TRPC7: variants seen among roughly 807,000 people sequenced by gnomAD.
TRPC7 encodes transient receptor potential cation channel subfamily C member 7, also known as short transient receptor potential channel 7.
Under a neutral mutation model 90.1 loss-of-function variants are expected in TRPC7, and 42 were observed. The ratio of observed to expected loss-of-function variants is 0.47; its 90% CI spans 0.36 to 0.60. TRPC7 has a LOEUF of 0.60. Ranked by LOEUF, TRPC7 falls within the 20% of genes least tolerant of loss-of-function variation. The probability of loss-of-function intolerance (pLI) is 0.00; values close to 1 mark genes in which losing one functional copy is unlikely to be tolerated. For missense variants in TRPC7, 955 were observed against 1,112.3 expected, an observed-to-expected ratio of 0.86 and a Z score of 2.01; for synonymous variants, 451 against 436.3, an observed-to-expected ratio of 1.03 and a Z score of -0.42.
At chr5:136,239,557 G>T (rs552669075) in intron 7 of TRPC7, among the ~76,000 whole-genome samples, 1 of 152,168 alleles carries the variant, frequency 6.6e-6, no homozygotes, top group Non-Finnish European at 1.5e-5. Flanking sequence ...CCTCTCCCTC[G>T]GTTTCTCTCA....
intron 2 of TRPC7, among the ~76,000 whole-genome samples, chr5:136,325,800 A>G (rs1173030014): frequency 6.6e-6 from 1 of 152,198 alleles, no homozygotes; most frequent in Non-Finnish European, 1.5e-5. Context: ...AAGCTGGATC[A>G]AAAGGAAAAC....
chr5:136,318,099 C>T (rs1056253958), intron 2 of TRPC7, among the ~76,000 whole-genome samples: 14 of 152,084 alleles, frequency 9.2e-5, no homozygotes, highest in Admixed American at 2.6e-4. Flanking sequence ...CCCAGGCCTG[C>T]GAGGAAGAAG....
intron 3 of TRPC7, among the ~76,000 whole-genome samples, chr5:136,279,870 G>T (rs1350982564): frequency 2.0e-5 from 3 of 152,104 alleles, no homozygotes; most frequent in Non-Finnish European, 4.4e-5. Flanking sequence ...CTCTTCTCTG[G>T]TTTAACACCT....
chr5:136,354,825 C>T (rs1760310502), intron 2 of TRPC7, among the ~76,000 whole-genome samples: 1 of 152,208 alleles, frequency 6.6e-6, no homozygotes, highest in East Asian at 1.9e-4. Flanking sequence ...AACTACTCAT[C>T]CTCCCTGCTC....
chr5:136,254,390 T>C (rs1225106019), intron 5 of TRPC7, among the ~76,000 whole-genome samples: 1 of 152,162 alleles, frequency 6.6e-6, no homozygotes, highest in African/African-American at 2.4e-5. Context: ...CTGGTGACTT[T>C]AAGTTGAAGC....
intron 4 of TRPC7, among the ~76,000 whole-genome samples, chr5:136,268,836 C>T (rs371365884): frequency 5.3e-5 from 8 of 152,190 alleles, no homozygotes; most frequent in African/African-American, 1.9e-4. Flanking sequence ...TCCTATACTT[C>T]TGGGTTTGAA....
intron 3 of TRPC7, among the ~76,000 whole-genome samples, chr5:136,301,988 G>A (rs13156906): frequency 0.12 from 18,412 of 152,128 alleles, 1,164 homozygotes; most frequent in African/African-American, 0.14. Context: ...TCCAGTAAGC[G>A]GCCTCTTTTT....
At chr5:136,271,739 T>C (rs1757218524) in intron 4 of TRPC7, among the ~76,000 whole-genome samples, 1 of 152,186 alleles carries the variant, frequency 6.6e-6, no homozygotes, top group Non-Finnish European at 1.5e-5. Flanking sequence ...TGTCCCATGC[T>C]CCAGGCCTGC....
At chr5:136,259,275 C>A (rs189960567) in intron 5 of TRPC7, among the ~76,000 whole-genome samples, 2 of 152,290 alleles carry the variant, frequency 1.3e-5, no homozygotes, top group Admixed American at 1.3e-4. Flanking sequence ...AGCCCAGGAG[C>A]CTTGTTGTCC....
chr5:136,302,823 A>G (rs987686777), intron 3 of TRPC7, among the ~76,000 whole-genome samples: 1 of 152,122 alleles, frequency 6.6e-6, no homozygotes, highest in Non-Finnish European at 1.5e-5. Flanking sequence ...TCTTTTACAC[A>G]TCAGTCCCTT....
At chr5:136,300,683 G>A (rs1758348025) in intron 3 of TRPC7, among the ~76,000 whole-genome samples, 1 of 152,212 alleles carries the variant, frequency 6.6e-6, no homozygotes, top group Admixed American at 6.5e-5. Context: ...AGCAATGAAG[G>A]ACATGGAGAT....
At chr5:136,316,827 A>G (rs1759040216) in intron 2 of TRPC7, among the ~76,000 whole-genome samples, 1 of 152,216 alleles carries the variant, frequency 6.6e-6, no homozygotes, top group Non-Finnish European at 1.5e-5. Flanking sequence ...CAAGAGCCAA[A>G]TGTCACTTTC....
In TRPC7 at chr5:136,251,662, T is replaced by C. The variant is rs768000554; in HGVS notation, c.1566A>G (p.Ala522=). 11 of 1,607,356 alleles carry C rather than the reference T, an allele frequency of 6.8e-6. No homozygotes were observed. Among genetic ancestry groups the C allele is most frequent in the East Asian group, 6.7e-5 (3 of 44,592 alleles). ...TCTCCGACTCACCGTAGGTGAAGTA[T>C]GCCACTTCCGGCGGAAGCGAGACAT... is the stretch of plus-strand genomic sequence containing the variant. ...LHNVSLPPEV[A]YFTYARDKWW... Residue 522 remains alanine, a synonymous_variant, in exon 6 of 12, where the codon GCA becomes GCG. Coordinates refer to ENST00000513104, the MANE Select transcript of TRPC7 (RefSeq NM_020389.3).
At chr5:136,311,984 T>C (rs1758846951) in intron 3 of TRPC7, among the ~76,000 whole-genome samples, 1 of 152,236 alleles carries the variant, frequency 6.6e-6, no homozygotes, top group Non-Finnish European at 1.5e-5. Context: ...ATTTTCATTA[T>C]AACCTATGAC....
intron 2 of TRPC7, among the ~76,000 whole-genome samples, chr5:136,326,876 A>G (rs1381599852): frequency 6.6e-6 from 1 of 152,178 alleles, no homozygotes; most frequent in South Asian, 2.1e-4. Flanking sequence ...CAGGACTTTG[A>G]TGGGGAGAGG....
intron 5 of TRPC7, among the ~76,000 whole-genome samples, chr5:136,263,610 T>C (rs898198257): frequency 1.3e-5 from 2 of 152,002 alleles, no homozygotes; most frequent in African/African-American, 4.8e-5. Context: ...AAATGGGAGA[T>C]ATAAAAGAGA....
intron 2 of TRPC7, among the ~76,000 whole-genome samples, chr5:136,341,882 C>T (rs189558160): frequency 2.0e-5 from 3 of 152,246 alleles, no homozygotes; most frequent in Admixed American, 6.5e-5. Flanking sequence ...GCTTAATTCA[C>T]CTGAAATATA....
intron 5 of TRPC7, among the ~76,000 whole-genome samples, chr5:136,256,660 A>T (rs928374502): frequency 6.6e-6 from 1 of 152,116 alleles, no homozygotes; most frequent in African/African-American, 2.4e-5. Flanking sequence ...CTTCAACTCT[A>T]TTCTCTGACC....
rs1207421665 is a variant in TRPC7, at chr5:136,357,157, C to G, written c.231G>C (p.Met77Ile). 6.2e-7 allele frequency: 1 copy of G among 1,614,108 alleles called. No homozygotes were observed. The highest frequency in any genetic ancestry group is 1.1e-5 in the South Asian group (1 of 91,076). The change falls in exon 2 of 12, where the codon ATG (methionine) becomes ATC (isoleucine). Residue 77 changes from methionine to isoleucine, a missense_variant. By Grantham distance (10) the Met-to-Ile change is conservative (BLOSUM62 1). Around this residue, in one of 4 missense-constraint regions of TRPC7, gnomAD observed 161 missense variants for 145.7 expected, o/e 1.10. Coordinates refer to ENST00000513104, the MANE Select transcript of TRPC7 (RefSeq NM_020389.3). ...CGGCCAGCTGCAGAGCGTTCTGCCC[C>G]ATGTAGTCCACACAGTTGAAGTTAA... ...KTLNFNCVDYMGQNALQLAVG... is the reference protein window; with the variant it reads ...KTLNFNCVDYIGQNALQLAVG...
Sources: gnomAD v4.1 joint callset for allele counts (sites outside exome capture counted in the v4.1 genomes callset) on GRCh38, gnomAD v4.1.1 for gene constraint, gnomAD v4.1.1 regional missense constraint, MANE v1.5 for transcripts, NCBI Gene and HGNC (gene_info 2026-07-23, HGNC 2026-07-21) for gene names.